The following MACROD1 variants were observed in gnomAD, a reference collection of about 807,000 sequenced individuals.
MACROD1 encodes mono-ADP ribosylhydrolase 1.
A neutral mutation model predicts 41.4 loss-of-function variants in MACROD1; 31 were observed. That is an observed-to-expected ratio of 0.75 (90% confidence interval 0.56 to 1.01). MACROD1 has a LOEUF of 1.01. Among genes scored for constraint, MACROD1 ranks in the 50% least tolerant of loss-of-function variants. MACROD1 has a pLI of 0.00. For missense variants in MACROD1, 473 were observed against 460.0 expected, an observed-to-expected ratio of 1.03 and a Z score of -0.26; for synonymous variants, 252 against 203.4, an observed-to-expected ratio of 1.24 and a Z score of -2.03.
chr11:63,999,731 C>A lies in MACROD1; in HGVS notation c.697G>T (p.Gly233Trp). ...GCAGCCTGACTGGCGCTGGGCTCCC[C>A]GTAGGCGATGGGCCCCACTGTGTGG... is the stretch of plus-strand genomic sequence containing the variant. ...VIHTVGPIAY[G>W]EPSASQAAEL... Residue 233 changes from glycine (G) to tryptophan (W), a missense_variant, in exon 6 of 11, where the codon GGG (glycine) becomes TGG (tryptophan). Physicochemically the swap from Gly to Trp is radical, Grantham distance 184. Coordinates refer to ENST00000255681, the MANE Select transcript of MACROD1 (RefSeq NM_014067.4). 6.2e-7 allele frequency: 1 copy of A among 1,607,866 alleles called. No homozygotes were observed. Among genetic ancestry groups the A allele is most frequent in the Non-Finnish European group, 8.5e-7 (1 of 1,179,494 alleles).
chr11:64,123,642 G>A (rs1289168290), intron 3 of MACROD1, among the ~76,000 whole-genome samples: 1 of 152,098 alleles, frequency 6.6e-6, no homozygotes, highest in Non-Finnish European at 1.5e-5. Context: ...ACTCAGGCTT[G>A]AGGCTCCAGC....
intron 3 of MACROD1, among the ~76,000 whole-genome samples, chr11:64,022,987 G>A (rs1046016240): frequency 8.9e-5 from 13 of 145,404 alleles, no homozygotes; most frequent in African/African-American, 3.1e-4. Context: ...TCAGCCTCCC[G>A]AGTAGCTGGG....
At chr11:64,001,782 G>A (rs1292223898) in intron 4 of MACROD1, 23 of 701,612 alleles carry the variant, frequency 3.3e-5, no homozygotes, top group South Asian at 5.9e-5. Flanking sequence ...CAGAGCGGGC[G>A]TCCAGGCTGG....
chr11:64,050,421 G>T (rs1490950843), intron 3 of MACROD1, among the ~76,000 whole-genome samples: 1 of 152,238 alleles, frequency 6.6e-6, no homozygotes, highest in African/African-American at 2.4e-5. Flanking sequence ...CCAGCCCTCA[G>T]TGTGACAGTG....
chr11:64,039,375 C>T (rs1943442613), intron 3 of MACROD1, among the ~76,000 whole-genome samples: 1 of 152,154 alleles, frequency 6.6e-6, no homozygotes, highest in Non-Finnish European at 1.5e-5. Flanking sequence ...CTGGCTGCTG[C>T]CCCCGGTGTA....
intron 3 of MACROD1, among the ~76,000 whole-genome samples, chr11:64,123,267 G>A (rs1945127499): frequency 6.6e-6 from 1 of 152,188 alleles, no homozygotes; most frequent in African/African-American, 2.4e-5. Flanking sequence ...GCCTGCCCCT[G>A]GATGGGCGCC....
intron 3 of MACROD1, among the ~76,000 whole-genome samples, chr11:64,147,931 G>C (rs1331081631): frequency 1.3e-5 from 2 of 151,052 alleles, no homozygotes; most frequent in African/African-American, 4.9e-5. Context: ...TAGAGATAGA[G>C]TCTCACTATG....
At chr11:64,117,245 G>A (rs762388485) in intron 3 of MACROD1, 2 of 1,614,068 alleles carry the variant, frequency 1.2e-6, no homozygotes, top group East Asian at 2.2e-5. Flanking sequence ...TGCTGCTCAG[G>A]AACAACCCTT....
Position 64,158,649 on chromosome 11 carries a change from G to A in MACROD1, c.299-6256C>T, listed in dbSNP as rs568721484. Among the ~76,000 whole-genome samples the A allele has an allele frequency of 1.5e-4, 23 of 152,294 alleles. No homozygotes were observed. In the East Asian group the frequency reaches 2.3e-3, roughly 15 times the overall value. ...TTGGAGAGCGAGGAAGCAGCAGCACGTCTCCACATCTGACAACAATGTCCC... is the reference window on the plus strand; with the variant it reads ...TTGGAGAGCGAGGAAGCAGCAGCACATCTCCACATCTGACAACAATGTCCC... On this transcript the variant is annotated intron_variant, in intron 1 of 10. Transcript: ENST00000255681.
intron 1 of MACROD1, among the ~76,000 whole-genome samples, chr11:64,155,963 C>A (rs1181220585): frequency 6.6e-6 from 1 of 152,018 alleles, no homozygotes; most frequent in Non-Finnish European, 1.5e-5. Flanking sequence ...ACAAAATTAG[C>A]CGGGTGTGGT....
chr11:64,083,622 T>C (rs1165450747), intron 3 of MACROD1, among the ~76,000 whole-genome samples: 1 of 152,058 alleles, frequency 6.6e-6, no homozygotes, highest in Non-Finnish European at 1.5e-5. Context: ...TAAATAAGCA[T>C]GTAAGTGAGT....
intron 3 of MACROD1, among the ~76,000 whole-genome samples, chr11:64,051,677 G>A (rs933685251): frequency 5.3e-5 from 8 of 152,178 alleles, no homozygotes; most frequent in African/African-American, 1.9e-4. Flanking sequence ...CTCACGGCCC[G>A]GAGCTTATAG....
chr11:64,111,627 C>T (rs1004120852), intron 3 of MACROD1, among the ~76,000 whole-genome samples: 1 of 152,122 alleles, frequency 6.6e-6, no homozygotes, highest in Non-Finnish European at 1.5e-5. Context: ...TGTGTGTAGG[C>T]GGCAACCTCT....
At chr11:64,143,599 G>C (rs534682826) in intron 3 of MACROD1, among the ~76,000 whole-genome samples, 2 of 151,866 alleles carry the variant, frequency 1.3e-5, no homozygotes, top group Non-Finnish European at 2.9e-5. Context: ...TTTTTACAAC[G>C]ACCCCTCCCC....
In MACROD1 at chr11:64,163,781, C is replaced by T. The variant is rs75672883; in HGVS notation, c.298+1916G>A. On this transcript the variant is annotated intron_variant, in intron 1 of 10. Transcript: ENST00000255681. ...GAGAGAATGCAGGTTTGCTGTTTTA[C>T]GCCACTAAGGTTCGGGGTGTTTTGT... Among the ~76,000 whole-genome samples the T allele has an allele frequency of 4.4e-3, 672 of 152,304 alleles. 2 individuals are homozygous for T. Among genetic ancestry groups the T allele is most frequent in the African/African-American group, 0.016 (655 of 41,554 alleles).
intron 3 of MACROD1, among the ~76,000 whole-genome samples, chr11:64,058,113 A>G (rs1433048546): frequency 1.3e-5 from 2 of 152,224 alleles, no homozygotes; most frequent in Admixed American, 1.3e-4. Context: ...TTCCTAATCC[A>G]TGACACCTTA....
At position 64,105,462 on chromosome 11, in the gene MACROD1, G is replaced by C. The variant is rs1179015221; in HGVS notation, c.517+45777C>G. On this transcript the variant is annotated intron_variant, in intron 3 of 10. Transcript: ENST00000255681. ...GTTGTGAGCATGTGACCTTGGACAGGTCTGCCCCTCCCTGTATGCCTCCCC... is the reference window on the plus strand; with the variant it reads ...GTTGTGAGCATGTGACCTTGGACAGCTCTGCCCCTCCCTGTATGCCTCCCC... Among the ~76,000 whole-genome samples, 3 of 152,224 alleles carry C rather than the reference G, an allele frequency of 2.0e-5. No homozygotes were observed. The East Asian group carries it at 5.8e-4, about 29-fold the overall frequency.
At chr11:64,121,616 TAGG>T (rs1289765193) in intron 3 of MACROD1, among the ~76,000 whole-genome samples, 1 of 152,118 alleles carries the variant, frequency 6.6e-6, no homozygotes, top group Non-Finnish European at 1.5e-5. Flanking sequence ...TACCACAAGA[TAGG>T]AGATGTTTCA....
At chr11:64,006,801 C>T (rs1429333175) in intron 4 of MACROD1, among the ~76,000 whole-genome samples, 2 of 152,166 alleles carry the variant, frequency 1.3e-5, no homozygotes, top group Non-Finnish European at 2.9e-5. Flanking sequence ...GACTTAGTGC[C>T]TCAGTTTCTC....
Sources: gnomAD v4.1 joint callset for allele counts (sites outside exome capture counted in the v4.1 genomes callset) on GRCh38, gnomAD v4.1.1 for gene constraint, MANE v1.5 for transcripts, NCBI Gene and HGNC (gene_info 2026-07-23, HGNC 2026-07-21) for gene names.